PACC1: variants seen among roughly 807,000 people sequenced by gnomAD.
The protein encoded by PACC1 is proton activated chloride channel 1.
A neutral mutation model predicts 39.7 loss-of-function variants in PACC1; 34 were observed. The observed-to-expected ratio is 0.86, with a 90% CI of 0.65 to 1.14. PACC1 has a LOEUF of 1.14. Among genes scored for constraint, PACC1 ranks in the 50% most tolerant of loss-of-function variants. PACC1 has a pLI of 0.00. For missense variants in PACC1, 379 were observed against 436.4 expected (o/e 0.87, Z 1.17); for synonymous variants, 127 against 160.6 (o/e 0.79, Z 1.58).
intron 2 of PACC1, among the ~76,000 whole-genome samples, chr1:212,394,017 A>G (rs1661424645): frequency 6.6e-6 from 1 of 152,060 alleles, no homozygotes; most frequent in East Asian, 1.9e-4. Flanking sequence ...TACAAGGAGG[A>G]GCTGGTACCA....
chr1:212,369,301 A>T (rs2102465448), intron 7 of PACC1, among the ~76,000 whole-genome samples: 1 of 152,344 alleles, frequency 6.6e-6, no homozygotes, highest in Middle Eastern at 3.4e-3. Context: ...CAGTAAGAAG[A>T]ATGAAGTTAC....
At chr1:212,375,389 G>A in intron 6 of PACC1, 89 bp from the exon 7 acceptor site, 1 of 906,100 alleles carries the variant, frequency 1.1e-6, no homozygotes, top group East Asian at 2.5e-5. Context: ...GTAGGCAGGG[G>A]ATCATAGTCT....
chr1:212,364,363 G>A lies in PACC1; in HGVS notation c.*852C>T, dbSNP rs117140995. On this transcript the variant is annotated 3_prime_UTR_variant, in exon 8 of 8. Transcript: ENST00000261455. Reference sequence around the variant, plus strand: ...GAAGCAGTTAGAACATACCTTGGGAGTCAGATCCATCTTGGGAGTCCAGAC... The same window carrying A: ...GAAGCAGTTAGAACATACCTTGGGAATCAGATCCATCTTGGGAGTCCAGAC... 1 of 152,140 alleles carries A rather than the reference G, an allele frequency of 6.6e-6. No homozygotes were observed. The highest frequency in any genetic ancestry group is 6.6e-5 in the Admixed American group (1 of 15,266). The allele number at this position is 152,140 out of a possible 1,614,324, so 9.4% of individuals were successfully genotyped here. A position where few individuals can be genotyped will look rare whatever the true frequency, so the allele number is the denominator to read the frequency against.
chr1:212,394,935 G>A (rs1473207523), intron 2 of PACC1, among the ~76,000 whole-genome samples: 3 of 152,190 alleles, frequency 2.0e-5, no homozygotes, highest in African/African-American at 4.8e-5. Flanking sequence ...TGAAATAAAA[G>A]AGGACACAAA....
chr1:212,365,384 G>GCAAACAGAAA lies in PACC1; in HGVS notation c.892-18_892-9dup, dbSNP rs775840505. ...AGGATTGGCAGTGACTATCTGTGAAGCAAACAGAAACAAACAGGATTACTG... is the reference window on the plus strand; with the variant it reads ...AGGATTGGCAGTGACTATCTGTGAAGCAAACAGAAACAAACAGAAACAAACAGGATTACTG... On this transcript the variant is annotated splice_polypyrimidine_tract_variant and intron_variant, in intron 7 of 7. Coordinates refer to ENST00000261455, the MANE Select transcript of PACC1 (RefSeq NM_018252.3). 1,035 of 1,592,144 alleles carry GCAAACAGAAA rather than the reference G, an allele frequency of 6.5e-4. 1 individual carries two copies. Among genetic ancestry groups the GCAAACAGAAA allele is most frequent in the Admixed American group, 9.1e-4 (51 of 56,090 alleles).
At chr1:212,391,798 C>A (rs1040032276) in intron 2 of PACC1, among the ~76,000 whole-genome samples, 1 of 152,068 alleles carries the variant, frequency 6.6e-6, no homozygotes, top group Non-Finnish European at 1.5e-5. Context: ...GATGAATGCA[C>A]AAGCTTCAGT....
intron 2 of PACC1, among the ~76,000 whole-genome samples, chr1:212,388,133 C>T (rs1010685212): frequency 6.6e-6 from 1 of 152,030 alleles, no homozygotes; most frequent in African/African-American, 2.4e-5. Flanking sequence ...TTTATTTGGG[C>T]ACCTCTTCCT....
intron 2 of PACC1, among the ~76,000 whole-genome samples, chr1:212,406,135 T>G (rs1252955010): frequency 1.0e-5 from 1 of 96,140 alleles, no homozygotes; most frequent in African/African-American, 4.1e-5. Flanking sequence ...AAAAAAGCCC[T>G]AAAGCCCTAC....
chr1:212,411,634 G>A (rs1662130570), intron 1 of PACC1, among the ~76,000 whole-genome samples: 2 of 152,052 alleles, frequency 1.3e-5, no homozygotes, highest in South Asian at 2.1e-4. Flanking sequence ...GAGGGAGAGG[G>A]GACAGCTTTC....
At position 212,381,770 on chromosome 1, in the gene PACC1, G is replaced by GACACACACACACACACACACACAC. The variant is rs10529310; in HGVS notation, c.496-1757_496-1734dup. 2.3e-3 allele frequency among the ~76,000 whole-genome samples: 267 copies of GACACACACACACACACACACACAC among 118,128 alleles called. 8 individuals are homozygous for GACACACACACACACACACACACAC. Among genetic ancestry groups the GACACACACACACACACACACACAC allele is most frequent in the African/African-American group, 5.0e-3 (139 of 27,764 alleles). The allele number at this position is 118,128 out of a possible 152,430, so 77.5% of individuals were successfully genotyped here. Reference sequence around the variant, plus strand: ...AACAATGCCCAGGGGACAGCACAGTGACACACACACACACACACACACACA... The same window carrying GACACACACACACACACACACACAC: ...AACAATGCCCAGGGGACAGCACAGTGACACACACACACACACACACACACACACACACACACACACACACACACA... On this transcript the variant is annotated intron_variant, in intron 4 of 7. Transcript: ENST00000261455.
At chr1:212,368,507 A>G (rs1660324405) in intron 7 of PACC1, among the ~76,000 whole-genome samples, 1 of 152,202 alleles carries the variant, frequency 6.6e-6, no homozygotes, top group African/African-American at 2.4e-5. Flanking sequence ...TCAGAAATTT[A>G]TCAAAGAAAT....
At chr1:212,369,679 C>G (rs1660373437) in intron 7 of PACC1, among the ~76,000 whole-genome samples, 3 of 151,506 alleles carry the variant, frequency 2.0e-5, no homozygotes, top group East Asian at 1.9e-4. Flanking sequence ...TACTTGGGAG[C>G]CTGAGGCAGC....
At chr1:212,408,971 C>T (rs975321576) in intron 2 of PACC1, among the ~76,000 whole-genome samples, 1 of 152,196 alleles carries the variant, frequency 6.6e-6, no homozygotes, top group Admixed American at 6.5e-5. Flanking sequence ...GTGAGCATTA[C>T]CACCTGAGCT....
chr1:212,394,743 G>A (rs1006636322), intron 2 of PACC1, among the ~76,000 whole-genome samples: 14 of 152,148 alleles, frequency 9.2e-5, no homozygotes, highest in Non-Finnish European at 1.9e-4. Flanking sequence ...CAAAGTCTCA[G>A]GATACAAAAT....
At position 212,410,501 on chromosome 1, in the gene PACC1, C is replaced by G. The variant is rs758485917; in HGVS notation, c.57G>C (p.Gln19His). ...CTGCCAGCTCTGAGTTCTCAACCAC[C>G]TGGACCAACTCCTCACTCAGCTAAA... The part of the protein sequence containing the change: ...SYQELSEELV[Q>H]VVENSELADE... The change falls in exon 2 of 8, where the codon CAG becomes CAC. Residue 19 changes from glutamine to histidine, a missense_variant. By Grantham distance (24) the Gln-to-His change is conservative. Transcript: ENST00000261455. 2.5e-5 allele frequency: 41 copies of G among 1,614,084 alleles called. No homozygotes were observed. The South Asian group carries it at 4.3e-4, about 17-fold the overall frequency.
rs149193929 is a variant in PACC1 at position 212,377,686 on chromosome 1, A to C, written c.659T>G (p.Met220Arg). Residue 220 changes from methionine to arginine, a missense_variant, in exon 6 of 8, where the codon ATG (methionine) becomes AGG (arginine). Coordinates refer to ENST00000261455, the MANE Select transcript of PACC1 (RefSeq NM_018252.3). ...FLQSPNRVGF[M>R]QACESAYSSW... ...GGAATAGGCACTCTCACAGGCCTGC[A>C]TGAAGCCTACCCTGTTTGGGCTTGG... 1.3e-5 allele frequency: 21 copies of C among 1,614,066 alleles called. No individual in the cohort carries two copies. Among genetic ancestry groups the C allele is most frequent in the Non-Finnish European group, 1.6e-5 (19 of 1,180,024 alleles).
Position 212,365,076 on chromosome 1 carries a change from C to T in PACC1, c.*139G>A. On this transcript the variant is annotated 3_prime_UTR_variant, in exon 8 of 8. Transcript: ENST00000261455. ...CTCTTTTGGGACGGGGTTAGAAGTT[C>T]CAGTTTTACATGCTGTTCCTCCCAG... The T allele has an allele frequency of 1.2e-6, 1 of 806,658 alleles. No homozygotes were observed. Among genetic ancestry groups the T allele is most frequent in the Non-Finnish European group, 1.9e-6 (1 of 536,804 alleles). The allele number at this position is 806,658 out of a possible 1,614,324, so 50.0% of individuals were successfully genotyped here.
At chr1:212,398,522 T>A (rs528021519) in intron 2 of PACC1, among the ~76,000 whole-genome samples, 1 of 152,344 alleles carries the variant, frequency 6.6e-6, no homozygotes, top group East Asian at 1.9e-4. Flanking sequence ...AGGAACAGGT[T>A]ACTGTGGGCA....
intron 7 of PACC1, 55 bp from the exon 8 acceptor site, chr1:212,365,431 T>A: frequency 3.1e-4 from 169 of 544,398 alleles, no homozygotes; most frequent in East Asian, 4.5e-4. Context: ...TCTTGATTCT[T>A]TTTTTTTTTT....
Sources: gnomAD v4.1 joint callset for allele counts (sites outside exome capture counted in the v4.1 genomes callset) on GRCh38, gnomAD v4.1.1 for gene constraint, MANE v1.5 for transcripts, NCBI Gene and HGNC (gene_info 2026-07-23, HGNC 2026-07-21) for gene names.